SYN3: variants seen among roughly 807,000 people sequenced by gnomAD.
SYN3 encodes the protein synapsin-3.
In SYN3, 35 loss-of-function variants were observed where a neutral mutation model predicts 65.8. That is an observed-to-expected ratio of 0.53 (90% CI 0.41 to 0.70). The LOEUF (loss-of-function observed/expected upper bound fraction) is 0.70, where lower values mean the gene tolerates loss of function less well. Among genes scored for constraint, SYN3 ranks in the 30% least tolerant of loss-of-function variants. The pLI, the probability that SYN3 is intolerant of heterozygous loss-of-function variation, is 0.00. For missense variants in SYN3, 680 were observed against 749.0 expected (o/e 0.91, Z 1.08); for synonymous variants, 270 against 292.9 (o/e 0.92, Z 0.80).
chr22:32,734,214 C>T (rs1018412284), intron 6 of SYN3, among the ~76,000 whole-genome samples: 4 of 152,142 alleles, frequency 2.6e-5, no homozygotes, highest in Admixed American at 1.3e-4. Context: ...CTTCCTGAGC[C>T]CTGATTAGGC....
At position 33,039,249 on chromosome 22, in the gene SYN3, G is replaced by T. The variant is rs1409717266; in HGVS notation, c.-163+19043C>A. ...GTGTGGAGCCAGCATTCAAATTTAG[G>T]TCTACTTAACCCTAAAGTCCATGCT... On this transcript the variant is annotated intron_variant, in intron 1 of 13. Coordinates refer to ENST00000358763, the MANE Select transcript of SYN3 (RefSeq NM_003490.4). 5.9e-5 allele frequency among the ~76,000 whole-genome samples: 9 copies of T among 152,204 alleles called. No individual in the cohort carries two copies. The East Asian group carries it at 1.7e-3, about 29-fold the overall frequency.
chr22:32,927,263 C>CTT (rs5845052), intron 4 of SYN3, among the ~76,000 whole-genome samples: 11 of 125,548 alleles, frequency 8.8e-5, no homozygotes, highest in East Asian at 8.7e-4. Context: ...AATATATTTA[C>CTT]TTTTTTTTTT....
At chr22:32,686,964 G>C (rs954518630) in intron 6 of SYN3, among the ~76,000 whole-genome samples, 25 of 151,984 alleles carry the variant, frequency 1.6e-4, no homozygotes, top group African/African-American at 5.8e-4. Context: ...TATCAGCAGA[G>C]CTGGAAGTGG....
In SYN3 at chr22:32,859,426, C is replaced by T. The variant is rs774796749; in HGVS notation, c.711+5489G>A. The T allele has an allele frequency of 3.2e-6, 5 of 1,574,346 alleles. No individual in the cohort carries two copies. The South Asian group carries it at 3.4e-5, about 11-fold the overall frequency. On this transcript the variant is annotated intron_variant, in intron 6 of 13. Coordinates refer to ENST00000358763, the MANE Select transcript of SYN3 (RefSeq NM_003490.4). ...CTTCCCTCCCTTCCCGCTGAGCTTC[C>T]CTTGGACACTAACTCTTCCCAGATG...
At chr22:32,542,783 G>A (rs2058279251) in intron 7 of SYN3, among the ~76,000 whole-genome samples, 1 of 151,948 alleles carries the variant, frequency 6.6e-6, no homozygotes, top group Admixed American at 6.6e-5. Context: ...AGAGGTCCCA[G>A]GAGAGCTTCC....
intron 7 of SYN3, among the ~76,000 whole-genome samples, chr22:32,572,436 T>TTCCC (rs1569051915): frequency 8.4e-4 from 7 of 8,344 alleles, no homozygotes; most frequent in Admixed American, 2.5e-3. Flanking sequence ...CCTTCCTTCC[T>TTCCC]TCCCTCCTTC....
chr22:32,967,564 G>A (rs1353493616), intron 3 of SYN3, among the ~76,000 whole-genome samples: 1 of 152,230 alleles, frequency 6.6e-6, no homozygotes, highest in Non-Finnish European at 1.5e-5. Flanking sequence ...CAATCTAATA[G>A]ATTAGTTTCC....
intron 1 of SYN3, among the ~76,000 whole-genome samples, chr22:33,017,943 G>A (rs1161404898): frequency 1.3e-5 from 2 of 152,118 alleles, no homozygotes; most frequent in Non-Finnish European, 2.9e-5. Context: ...AAGAACAGAG[G>A]GATGGCCAGC....
chr22:32,822,287 A>T (rs1399027285), intron 6 of SYN3, among the ~76,000 whole-genome samples: 1 of 151,880 alleles, frequency 6.6e-6, no homozygotes, highest in East Asian at 1.9e-4. Flanking sequence ...GTATGATCAC[A>T]TTTCCCCTGC....
Position 32,508,663 on chromosome 22 carries a change from G to T in SYN3, c.*5029C>A, listed in dbSNP as rs9621473. ...ACTGGGTTTTGGTTTGTTTGATTCTGTTCCTGGGCAAGTGACTTCCATATA... is the reference window on the plus strand; with the variant it reads ...ACTGGGTTTTGGTTTGTTTGATTCTTTTCCTGGGCAAGTGACTTCCATATA... On this transcript the variant is annotated 3_prime_UTR_variant, in exon 14 of 14. Coordinates refer to ENST00000358763, the MANE Select transcript of SYN3 (RefSeq NM_003490.4). 6.6e-6 allele frequency among the ~76,000 whole-genome samples: 1 copy of T among 152,024 alleles called. No homozygotes were observed. The highest frequency in any genetic ancestry group is 1.5e-5 in the Non-Finnish European group (1 of 68,004).
rs2046568266 is a variant in SYN3, at chr22:32,801,338, T to G, written c.711+63577A>C. On this transcript the variant is annotated intron_variant, in intron 6 of 13. Coordinates refer to ENST00000358763, the MANE Select transcript of SYN3 (RefSeq NM_003490.4). The surrounding 1 kb of genome is among the most constrained non-coding windows in gnomAD (Gnocchi z 4.7). ...ACCTGTGGAAGCGGTCCTGCTGGGG[T>G]GGGTGGGTGTTAGTTGGTTCTGGTT... 6.6e-6 allele frequency among the ~76,000 whole-genome samples: 1 copy of G among 151,922 alleles called. No individual in the cohort carries two copies.
At chr22:32,786,384 CTT>C (rs796702280) in intron 6 of SYN3, among the ~76,000 whole-genome samples, 4 of 145,228 alleles carry the variant, frequency 2.8e-5, no homozygotes, top group Admixed American at 1.4e-4. Context: ...GCAACTTATT[CTT>C]TTTTTTTTTT....
chr22:32,932,718 C>A (rs2050666915), intron 3 of SYN3, among the ~76,000 whole-genome samples: 1 of 152,152 alleles, frequency 6.6e-6, no homozygotes, highest in African/African-American at 2.4e-5. Context: ...ATCCCTCTTA[C>A]CAGATGACAT....
intron 6 of SYN3, among the ~76,000 whole-genome samples, chr22:32,740,892 G>A (rs1166465435): frequency 6.6e-6 from 1 of 152,164 alleles, no homozygotes; most frequent in Non-Finnish European, 1.5e-5. Context: ...GATCAAATGA[G>A]GTGATCTTGA....
chr22:32,551,611 T>C (rs1039374325), intron 7 of SYN3, among the ~76,000 whole-genome samples: 4 of 152,018 alleles, frequency 2.6e-5, no homozygotes, highest in Non-Finnish European at 5.9e-5. Context: ...GAAGGACTTG[T>C]CTGCATACAA....
intron 6 of SYN3, among the ~76,000 whole-genome samples, chr22:32,773,884 T>C (rs1325431815): frequency 1.3e-5 from 2 of 152,100 alleles, no homozygotes; most frequent in African/African-American, 4.8e-5. Flanking sequence ...CAGGGAGAAC[T>C]GATATCCAAA....
intron 7 of SYN3, among the ~76,000 whole-genome samples, chr22:32,561,385 T>C (rs1158106135): frequency 6.6e-6 from 1 of 152,196 alleles, no homozygotes; most frequent in African/African-American, 2.4e-5. Flanking sequence ...ACAGGGTAGG[T>C]GCCTTCACTG....
chr22:32,924,202 C>T (rs190710263), intron 4 of SYN3, among the ~76,000 whole-genome samples: 195 of 152,238 alleles, frequency 1.3e-3, no homozygotes, highest in African/African-American at 4.3e-3. Flanking sequence ...GGTATATACT[C>T]GGTAATGGGA....
chr22:32,721,811 G>A (rs2061123177), intron 6 of SYN3, among the ~76,000 whole-genome samples: 1 of 152,192 alleles, frequency 6.6e-6, no homozygotes, highest in Admixed American at 6.5e-5. Context: ...AACAACAGAA[G>A]TGTTGAGAAG....
Sources: allele counts gnomAD v4.1 joint callset (sites outside exome capture counted in the v4.1 genomes callset), GRCh38; gene constraint gnomAD v4.1.1; non-coding constraint Gnocchi (gnomAD v3.1); transcripts MANE v1.5; gene names NCBI Gene and HGNC (gene_info 2026-07-23, HGNC 2026-07-21).